UBE2E3: variants seen among roughly 807,000 people sequenced by gnomAD.
UBE2E3 encodes the protein ubiquitin conjugating enzyme E2 E3, also known as ubiquitin-conjugating enzyme E2 E3.
Under a neutral mutation model 23.6 loss-of-function variants are expected in UBE2E3, and 5 were observed. That is an observed-to-expected ratio of 0.21 (90% confidence interval 0.11 to 0.44). The LOEUF is 0.44. UBE2E3 is among the 20% of genes least tolerant of loss of function. The probability of loss-of-function intolerance (pLI) is 0.99; values close to 1 mark genes in which losing one functional copy is unlikely to be tolerated. For missense variants in UBE2E3, 81 were observed against 249.8 expected (o/e 0.32, Z 4.55); for synonymous variants, 78 against 87.5 (o/e 0.89, Z 0.60).
At chr2:181,027,709 C>T (rs377040309) in intron 3 of UBE2E3, among the ~76,000 whole-genome samples, 1 of 151,838 alleles carries the variant, frequency 6.6e-6, no homozygotes, top group African/African-American at 2.4e-5. Context: ...AAATTCTCTC[C>T]TAGTGTCGTT....
intron 3 of UBE2E3, chr2:180,987,415 C>T: frequency 6.5e-7 from 1 of 1,549,124 alleles, no homozygotes; most frequent in Non-Finnish European, 8.7e-7. Flanking sequence ...TCTAACTTAA[C>T]CCCTAATTTC....
At chr2:181,057,980 G>C (rs1016271367) in intron 4 of UBE2E3, among the ~76,000 whole-genome samples, 155 bp downstream of exon 4, 1 of 151,742 alleles carries the variant, frequency 6.6e-6, no homozygotes, top group Non-Finnish European at 1.5e-5. Context: ...TTTTAAAACA[G>C]TAATTGACTC....
chr2:181,032,645 A>G (rs1043772041), intron 3 of UBE2E3, among the ~76,000 whole-genome samples: 5 of 152,182 alleles, frequency 3.3e-5, no homozygotes, highest in African/African-American at 4.8e-5. Flanking sequence ...AAAATTTACC[A>G]TCTCTTTGAA....
chr2:181,056,935 C>A (rs1167509905), intron 3 of UBE2E3, among the ~76,000 whole-genome samples: 1 of 151,702 alleles, frequency 6.6e-6, no homozygotes, highest in Non-Finnish European at 1.5e-5. Context: ...AGGACACATA[C>A]TATTTCAGCC....
chr2:181,019,009 G>A (rs949991354), intron 3 of UBE2E3, among the ~76,000 whole-genome samples: 5 of 152,066 alleles, frequency 3.3e-5, no homozygotes, highest in Non-Finnish European at 7.4e-5. Context: ...TGTCGCCCAG[G>A]CTGGAGGGCA....
chr2:180,982,827 C>G (rs973789815), intron 2 of UBE2E3, among the ~76,000 whole-genome samples: 1 of 152,156 alleles, frequency 6.6e-6, no homozygotes, highest in African/African-American at 2.4e-5. Context: ...GAGGGCAAAT[C>G]AAACTGAAAA....
intron 3 of UBE2E3, among the ~76,000 whole-genome samples, chr2:181,037,934 C>G (rs745659536): frequency 8.5e-5 from 13 of 152,206 alleles, no homozygotes; most frequent in African/African-American, 3.1e-4. Flanking sequence ...TACCACTGCA[C>G]TCTGGTCTGA....
chr2:181,028,397 G>A (rs73974714), intron 3 of UBE2E3, among the ~76,000 whole-genome samples: 2,740 of 152,128 alleles, frequency 0.018, 69 homozygotes, highest in African/African-American at 0.063. Context: ...CTAGTAATAT[G>A]TGAGTAAATT....
intron 3 of UBE2E3, among the ~76,000 whole-genome samples, chr2:180,989,035 T>C (rs958490866): frequency 4.6e-5 from 7 of 152,170 alleles, no homozygotes; most frequent in African/African-American, 1.7e-4. Flanking sequence ...TGGGTGGTCA[T>C]CTACAGATAG....
At chr2:181,000,594 G>A (rs946963886) in intron 3 of UBE2E3, among the ~76,000 whole-genome samples, 1 of 146,230 alleles carries the variant, frequency 6.8e-6, no homozygotes, top group Non-Finnish European at 1.5e-5. Context: ...TCGCTCTGTC[G>A]CCCAGGCTGC....
At chr2:180,986,113 T>C (rs150524343) in intron 3 of UBE2E3, among the ~76,000 whole-genome samples, 52 of 152,272 alleles carry the variant, frequency 3.4e-4, no homozygotes, top group African/African-American at 1.2e-3. Context: ...CTTTGGGCTT[T>C]CTGTGAACAG....
Position 180,989,890 on chromosome 2 carries a change from G to A in UBE2E3, c.245+5797G>A, listed in dbSNP as rs748162249. Reference sequence around the variant, plus strand: ...ATATGTTTACTTTTCAGGAAAATCAGCAAGTCTTGCATAGAGTGTAAGGAC... The same window carrying A: ...ATATGTTTACTTTTCAGGAAAATCAACAAGTCTTGCATAGAGTGTAAGGAC... On this transcript the variant is annotated intron_variant, in intron 3 of 5. Coordinates refer to ENST00000410062, the MANE Select transcript of UBE2E3 (RefSeq NM_006357.4). 5.4e-5 allele frequency: 84 copies of A among 1,543,876 alleles called. 1 individual carries two copies. The South Asian group carries it at 9.7e-4, about 18-fold the overall frequency.
At chr2:181,012,900 T>C (rs2105610729) in intron 3 of UBE2E3, among the ~76,000 whole-genome samples, 1 of 152,296 alleles carries the variant, frequency 6.6e-6, no homozygotes, top group African/African-American at 2.4e-5. Flanking sequence ...GTGTTAGACA[T>C]TGCTTGGTAT....
chr2:181,001,760 G>T (rs919944469), intron 3 of UBE2E3, among the ~76,000 whole-genome samples: 1 of 152,098 alleles, frequency 6.6e-6, no homozygotes, highest in Non-Finnish European at 1.5e-5. Flanking sequence ...AGAGACTTGG[G>T]TAACAAATTG....
At chr2:180,985,864 TA>T (rs1684450616) in intron 3 of UBE2E3, among the ~76,000 whole-genome samples, 1 of 151,906 alleles carries the variant, frequency 6.6e-6, no homozygotes, top group Non-Finnish European at 1.5e-5. Context: ...GAGAGCCTAG[TA>T]GACATGTATT....
chr2:180,987,262 G>A, intron 3 of UBE2E3: 1 of 1,483,006 alleles, frequency 6.7e-7, no homozygotes, highest in Non-Finnish European at 9.1e-7. Context: ...TTCCCTATTT[G>A]TATTTATTGA....
chr2:181,007,500 G>GT (rs3060035), intron 3 of UBE2E3, among the ~76,000 whole-genome samples: 573 of 145,878 alleles, frequency 3.9e-3, no homozygotes, highest in Middle Eastern at 0.015. Flanking sequence ...AAGTATAATT[G>GT]TTTTTTTTTT....
At chr2:181,019,903 T>C (rs984591565) in intron 3 of UBE2E3, among the ~76,000 whole-genome samples, 19 of 152,162 alleles carry the variant, frequency 1.2e-4, no homozygotes, top group African/African-American at 4.1e-4. Context: ...TGATACAATA[T>C]TGTTAACTGT....
chr2:181,062,583 ATT>A (rs56270937), intron 5 of UBE2E3, among the ~76,000 whole-genome samples: 115 of 150,044 alleles, frequency 7.7e-4, no homozygotes, highest in African/African-American at 1.0e-3. Flanking sequence ...CTCAAAATTC[ATT>A]TTTTTTTTTA....
Sources: allele counts gnomAD v4.1 joint callset (sites outside exome capture counted in the v4.1 genomes callset), GRCh38; gene constraint gnomAD v4.1.1; transcripts MANE v1.5; gene names NCBI Gene and HGNC (gene_info 2026-07-23, HGNC 2026-07-21).